The following DOCK6 variants were observed in gnomAD, a reference collection of about 807,000 sequenced individuals.
DOCK6 encodes the protein dedicator of cytokinesis 6, also known as dedicator of cytokinesis protein 6.
In DOCK6, 167 loss-of-function variants were observed where a neutral mutation model predicts 230.3. The observed-to-expected ratio is 0.73, with a 90% CI of 0.64 to 0.82. The LOEUF (loss-of-function observed/expected upper bound fraction) is 0.82, where lower values mean the gene tolerates loss of function less well. Among genes scored for constraint, DOCK6 ranks in the 40% least tolerant of loss-of-function variants. The probability of loss-of-function intolerance (pLI) is 0.00; values close to 1 mark genes in which losing one functional copy is unlikely to be tolerated. For missense variants in DOCK6, 2,598 were observed against 2,825.8 expected, an observed-to-expected ratio of 0.92 and a Z score of 1.83; for synonymous variants, 1,148 against 1,185.0, an observed-to-expected ratio of 0.97 and a Z score of 0.64.
In DOCK6 at chr19:11,235,729, A is replaced by T. The variant is rs774653093; in HGVS notation, c.2423T>A (p.Met808Lys). 6.3e-7 allele frequency: 1 copy of T among 1,598,162 alleles called. No individual in the cohort carries two copies. The highest frequency in any genetic ancestry group is 8.5e-7 in the Non-Finnish European group (1 of 1,171,928). ...GTGAACAAGGCTGACTACATGGGCC[A>T]TTGCTTCAAAGGCTCCACGGCCCAG... is the stretch of plus-strand genomic sequence containing the variant. ...VNLGRGAFEAMAHVVSLVHRS... is the reference protein window; with the variant it reads ...VNLGRGAFEAKAHVVSLVHRS... Residue 808 changes from methionine to lysine, a missense_variant, in exon 21 of 48, where the codon ATG becomes AAG. Physicochemically the swap from Met to Lys is moderately conservative, Grantham distance 95 (BLOSUM62 -1). Coordinates refer to ENST00000294618, the MANE Select transcript of DOCK6 (RefSeq NM_020812.4).
rs36059048 is a variant in DOCK6 at position 11,200,453 on chromosome 19, G to A, written c.5956C>T (p.Arg1986Trp). 55 of 1,610,754 alleles carry A rather than the reference G, an allele frequency of 3.4e-5. No homozygotes were observed. The highest frequency in any genetic ancestry group is 1.6e-4 in the Middle Eastern group (1 of 6,080). Residue 1986 changes from arginine to tryptophan, a missense_variant, in exon 47 of 48, where the codon CGG becomes TGG. Coordinates refer to ENST00000294618, the MANE Select transcript of DOCK6 (RefSeq NM_020812.4). The surrounding 1 kb of genome is among the most constrained non-coding windows in gnomAD (Gnocchi z 4.3). ...GGCCCAATCAGGGCCTTATTTTTCC[G>A]CAGCGCATCCTCACATCTGAGGGCC... ...DFCKKCEDAL[R>W]KNKALIGPDQ...
rs759348718 is a variant in DOCK6 at position 11,242,153 on chromosome 19, G to A, written c.1535C>T (p.Ser512Phe). The stretch of plus-strand genomic sequence containing the variant: ...GGGCTTGATATGAAGCAGCTCAGGG[G>A]AGAGGCAGAAGTGGGGATTTTCAGG... Reference protein sequence around the residue: ...PAPENPHFCLSPELLHIKPYP... With the variant: ...PAPENPHFCLFPELLHIKPYP... The change falls in exon 14 of 48, where the codon TCC (serine) becomes TTC (phenylalanine). Residue 512 changes from serine to phenylalanine, a missense_variant. Ser to Phe is a radical substitution (Grantham distance 155, BLOSUM62 -2). Coordinates refer to ENST00000294618, the MANE Select transcript of DOCK6 (RefSeq NM_020812.4). 6.8e-7 allele frequency: 1 copy of A among 1,476,258 alleles called. No individual in the cohort carries two copies. The allele number at this position is 1,476,258 out of a possible 1,614,324, so 91.4% of individuals were successfully genotyped here.
chr19:11,227,107 A>G (rs901849675), intron 24 of DOCK6, among the ~76,000 whole-genome samples: 3 of 152,136 alleles, frequency 2.0e-5, no homozygotes, highest in African/African-American at 7.2e-5. Context: ...AAAGCTACAC[A>G]AGGGTAAGGA....
At chr19:11,221,164 G>T (rs900501814) in intron 28 of DOCK6, 4 of 152,358 alleles carry the variant, frequency 2.6e-5, no homozygotes, top group African/African-American at 9.7e-5. Context: ...GGGTCAACAG[G>T]ACACTGGGCA....
At chr19:11,231,245 G>C (rs2079761217) in intron 22 of DOCK6, among the ~76,000 whole-genome samples, 1 of 152,104 alleles carries the variant, frequency 6.6e-6, no homozygotes, top group Admixed American at 6.6e-5. Flanking sequence ...CTCTGACCTT[G>C]GTCCCAATAT....
In DOCK6 at chr19:11,211,807, C is replaced by G; in HGVS notation, c.4720G>C (p.Asp1574His). Residue 1574 changes from aspartate to histidine, a missense_variant, in exon 37 of 48, where the codon GAC becomes CAC. By Grantham distance (81) the Asp-to-His change is moderately conservative. Transcript: ENST00000294618. ...DTVKMKEHQE[D>H]PEMLIDLMYR... Reference sequence around the variant, plus strand: ...ATGAGGTCGATGAGCATCTCAGGGTCCTCCTGGTGTTCCTTCATCTTCACC... The same window carrying G: ...ATGAGGTCGATGAGCATCTCAGGGTGCTCCTGGTGTTCCTTCATCTTCACC... The G allele has an allele frequency of 6.4e-7, 1 of 1,552,150 alleles. No homozygotes were observed. The highest frequency in any genetic ancestry group is 8.7e-7 in the Non-Finnish European group (1 of 1,147,198).
intron 24 of DOCK6, 47 bp from the exon 25 acceptor site, chr19:11,223,153 C>CTGTCGGGGCTGAG: frequency 5.1e-6 from 8 of 1,571,698 alleles, no homozygotes; most frequent in South Asian, 1.1e-5. Flanking sequence ...ACCTCAGCCC[C>CTGTCGGGGCTGAG]GACAGGGGCT....
In DOCK6 at chr19:11,200,281, C is replaced by G. The variant is rs998790080; in HGVS notation, c.6101+27G>C. The G allele has an allele frequency of 6.5e-7, 1 of 1,549,260 alleles. No homozygotes were observed. Among genetic ancestry groups the G allele is most frequent in the African/African-American group, 1.4e-5 (1 of 73,198 alleles). On this transcript the variant is annotated intron_variant, in intron 47 of 47. Transcript: ENST00000294618. The surrounding 1 kb of genome is among the most constrained non-coding windows in gnomAD (Gnocchi z 4.3). ...TGCCTCTGCATCCCCTCTCTAGTCT[C>G]TAGGATGGGGGCACTAGGTCAGGCA...
At chr19:11,244,606 G>A (rs537956206) in intron 9 of DOCK6, among the ~76,000 whole-genome samples, 2 of 151,956 alleles carry the variant, frequency 1.3e-5, no homozygotes, top group African/African-American at 4.8e-5. Context: ...GACTACAAGC[G>A]CCTGCTACTA....
chr19:11,234,345 G>A (rs931249062), intron 21 of DOCK6, among the ~76,000 whole-genome samples: 1 of 150,504 alleles, frequency 6.6e-6, no homozygotes, highest in African/African-American at 2.4e-5. Context: ...GATCTCAGGT[G>A]ATCCACTTGC....
chr19:11,201,885 C>A lies in DOCK6; in HGVS notation c.5688+4G>T. On this transcript the variant is annotated splice_donor_region_variant and intron_variant, in intron 44 of 47. Coordinates refer to ENST00000294618, the MANE Select transcript of DOCK6 (RefSeq NM_020812.4). This position sits in a 1 kb window ranked among gnomAD's most constrained non-coding sequence, Gnocchi z 4.3. ...CCCCCGCCAGGCCCAGGATCCCCAC[C>A]CACCTCCTCCCGGTGGCACACACGG... The A allele has an allele frequency of 6.4e-7, 1 of 1,553,972 alleles. No individual in the cohort carries two copies.
rs928001544 is a variant in DOCK6 at position 11,217,032 on chromosome 19, C to T, written c.3776G>A (p.Trp1259Ter). 6.2e-7 allele frequency: 1 copy of T among 1,613,496 alleles called. No homozygotes were observed. Among genetic ancestry groups the T allele is most frequent in the African/African-American group, 1.3e-5 (1 of 74,932 alleles). ...CGCCGGCTCGGTGTTTTTCAGCACC[C>T]ACAGCACACACGCCAGCAAGGTCCG... The part of the protein sequence containing the change: ...SSRTLLACVL[W>*]VLKNTEPALL... The change falls in exon 30 of 48, where the codon TGG becomes TAG. Residue 1259 changes from tryptophan (W) to a stop codon, truncating the protein, a stop_gained. Transcript: ENST00000294618. LOFTEE classifies it high-confidence loss of function.
intron 39 of DOCK6, chr19:11,208,100 A>T (rs562866537): frequency 6.6e-6 from 1 of 152,438 alleles, no homozygotes; most frequent in Admixed American, 6.5e-5. Context: ...CAGCCTGGGC[A>T]AAAGAGCAAG....
At chr19:11,251,803 C>T in intron 5 of DOCK6, 1 of 310,014 alleles carries the variant, frequency 3.2e-6, no homozygotes, top group Non-Finnish European at 6.1e-6. Context: ...ACAGTAGGTG[C>T]TCAGTAAATG....
At chr19:11,216,430 T>C (rs2079489151) in intron 30 of DOCK6, among the ~76,000 whole-genome samples, 1 of 150,474 alleles carries the variant, frequency 6.6e-6, no homozygotes, top group African/African-American at 2.5e-5. Flanking sequence ...TTTTTTGAGA[T>C]GGAGTCTCAC....
In DOCK6 at chr19:11,208,794, G is replaced by T; in HGVS notation, c.4980C>A (p.Ile1660=). 1 of 1,613,764 alleles carries T rather than the reference G, an allele frequency of 6.2e-7. No individual in the cohort carries two copies. Among genetic ancestry groups the T allele is most frequent in the South Asian group, 1.1e-5 (1 of 91,088 alleles). ...ISSNVLEESA[I]SDDILSPDEE... ...CGTCGGGCGACAGGATGTCGTCGGAGATGGCGGACTCCTCTAGCACGTTGG... is the reference window on the plus strand; with the variant it reads ...CGTCGGGCGACAGGATGTCGTCGGATATGGCGGACTCCTCTAGCACGTTGG... The change falls in exon 39 of 48, where the codon ATC becomes ATA. Residue 1660 remains isoleucine (I), a synonymous_variant. Transcript: ENST00000294618.
In DOCK6 at chr19:11,243,084, C is replaced by A. The variant is rs373281900; in HGVS notation, c.1455G>T (p.Leu485=). ...FLADMRRPSS[L]LRRLRPVTAQ... ...CAGTCACAGGACGTAGTCGCCGCAG[C>A]AGGGACGACGGGCGCCTCATGTCAG... The change falls in exon 13 of 48, where the codon CTG becomes CTT. Residue 485 remains leucine, a synonymous_variant. Transcript: ENST00000294618. This position sits in a 1 kb window ranked among gnomAD's most constrained non-coding sequence, Gnocchi z 6.3. 3 of 1,613,846 alleles carry A rather than the reference C, an allele frequency of 1.9e-6. No homozygotes were observed. The African/African-American group carries it at 4.0e-5, about 22-fold the overall frequency.
intron 13 of DOCK6, 103 bp from the exon 14 acceptor site, chr19:11,242,310 G>C: frequency 8.5e-7 from 1 of 1,181,588 alleles, no homozygotes; most frequent in Non-Finnish European, 1.1e-6. Context: ...GATGTTCTCT[G>C]GGGACTGGGG....
chr19:11,217,376 C>T lies in DOCK6; in HGVS notation c.3566G>A (p.Arg1189Gln), dbSNP rs564554926. Residue 1189 changes from arginine (R) to glutamine (Q), a missense_variant, in exon 29 of 48, where the codon CGG becomes CAG. Arg to Gln is a conservative substitution (Grantham distance 43). Transcript: ENST00000294618. ...GTCAAGCATTGAGGCCAGTCTTGAC[C>T]GCTGACCTGGGCCCTCTGGCAGGGA... is the stretch of plus-strand genomic sequence containing the variant. ...LHDFAEGPGQ[R>Q]SRLASMLDSD... The T allele has an allele frequency of 4.5e-5, 73 of 1,613,136 alleles. No individual in the cohort carries two copies. The highest frequency in any genetic ancestry group is 2.7e-4 in the East Asian group (12 of 44,846).
Sources: gnomAD v4.1 joint callset for allele counts (sites outside exome capture counted in the v4.1 genomes callset) on GRCh38, gnomAD v4.1.1 for gene constraint, Gnocchi (gnomAD v3.1) non-coding constraint, MANE v1.5 for transcripts, NCBI Gene and HGNC (gene_info 2026-07-23, HGNC 2026-07-21) for gene names.